The following EVC variants were observed in gnomAD, a reference collection of about 807,000 sequenced individuals.
EVC encodes EvC ciliary complex subunit 1, also known as evC complex member EVC.
Under a neutral mutation model 118.9 loss-of-function variants are expected in EVC, and 116 were observed. The observed-to-expected ratio is 0.98, with a 90% confidence interval of 0.84 to 1.14. EVC has a LOEUF of 1.14. Ranked by LOEUF, EVC falls within the 50% of genes most tolerant of loss-of-function variation. The probability of loss-of-function intolerance (pLI) is 0.00; values close to 1 mark genes in which losing one functional copy is unlikely to be tolerated. For synonymous variants in EVC, 619 were observed against 534.7 expected (o/e 1.16, Z -2.18); for missense variants, 1,401 against 1,246.4 (o/e 1.12, Z -1.87).
At chr4:5,818,111 G>A (rs1717977579), downstream of EVC, among the ~76,000 whole-genome samples, 1 of 152,148 alleles carries the variant, frequency 6.6e-6, no homozygotes, top group Non-Finnish European at 1.5e-5. Context: ...CCCCCATACT[G>A]TTCTTGTGGT....
intron 1 of EVC, among the ~76,000 whole-genome samples, chr4:5,718,371 A>G (rs2151834767): frequency 6.6e-6 from 1 of 152,254 alleles, no homozygotes; most frequent in East Asian, 1.9e-4. Context: ...TCTGTAACTC[A>G]CACCTGAATG....
chr4:5,739,917 C>T (rs1173568735), intron 5 of EVC, among the ~76,000 whole-genome samples: 1 of 126,050 alleles, frequency 7.9e-6, no homozygotes, highest in African/African-American at 3.1e-5. Flanking sequence ...AAAAAAAAAG[C>T]CTTACCGGTT....
intron 2 of EVC, among the ~76,000 whole-genome samples, chr4:5,722,004 A>G (rs1423899950): frequency 6.6e-6 from 1 of 152,224 alleles, no homozygotes; most frequent in Non-Finnish European, 1.5e-5. Context: ...TGCTGCTCAC[A>G]CATAGGGTAC....
chr4:5,808,161 TCCTTCCTC>T (rs1716283465), intron 17 of EVC, 32 bp from the exon 18 acceptor site: 2 of 573,982 alleles, frequency 3.5e-6, no homozygotes, highest in Non-Finnish European at 5.8e-6. Flanking sequence ...CTCCCTCCCT[TCCTTCCTC>T]CCTGCCAGCC....
At chr4:5,794,343 T>TATTTATATATA (rs1713466158) in intron 13 of EVC, among the ~76,000 whole-genome samples, 1 of 39,366 alleles carries the variant, frequency 2.5e-5, no homozygotes, top group Non-Finnish European at 6.0e-5. Context: ...ATTTATATAC[T>TATTTATATATA]TATATATATA....
chr4:5,783,114 CTA>C (rs1491584263), intron 11 of EVC, among the ~76,000 whole-genome samples: 16 of 151,684 alleles, frequency 1.1e-4, no homozygotes, highest in Non-Finnish European at 1.5e-4. Context: ...AGGAGTGTGT[CTA>C]TGTGTGCAAG....
chr4:5,802,640 A>G (rs1402308891), intron 16 of EVC, among the ~76,000 whole-genome samples: 2 of 152,166 alleles, frequency 1.3e-5, no homozygotes, highest in African/African-American at 2.4e-5. Flanking sequence ...GCGGCACATC[A>G]TCAGGCATTA....
At chr4:5,747,110 T>G (rs1729473971) in intron 7 of EVC, among the ~76,000 whole-genome samples, 1 of 152,064 alleles carries the variant, frequency 6.6e-6, no homozygotes, top group South Asian at 2.1e-4. Flanking sequence ...TGGGGTTTAC[T>G]GGGAGGCAAT....
At chr4:5,733,707 C>A (rs895689636) in intron 5 of EVC, among the ~76,000 whole-genome samples, 1 of 152,126 alleles carries the variant, frequency 6.6e-6, no homozygotes, top group Non-Finnish European at 1.5e-5. Context: ...ACACCTCCTG[C>A]TGGAGATAGA....
At chr4:5,736,559 G>A (rs562639587) in intron 5 of EVC, among the ~76,000 whole-genome samples, 1 of 149,286 alleles carries the variant, frequency 6.7e-6, no homozygotes, top group Non-Finnish European at 1.5e-5. Context: ...TCTGCATCCA[G>A]CAAGTCTGTT....
chr4:5,784,360 G>A (rs1032289564), intron 12 of EVC, among the ~76,000 whole-genome samples: 7 of 152,104 alleles, frequency 4.6e-5, no homozygotes, highest in African/African-American at 1.7e-4. Context: ...AGCAGAGGTC[G>A]GAATGGTGTG....
intron 19 of EVC, 101 bp downstream of exon 19, chr4:5,809,712 AT>A: frequency 1.8e-6 from 2 of 1,113,616 alleles, no homozygotes; most frequent in Non-Finnish European, 2.7e-6. Context: ...GACCTTAGGC[AT>A]CGTGCCTAGG....
chr4:5,823,849 G>A, the EVC span, among the ~76,000 whole-genome samples: 47 of 152,272 alleles, frequency 3.1e-4, no homozygotes, highest in East Asian at 5.0e-3. Context: ...GTAAATGGAC[G>A]AAAACAGACA....
chr4:5,767,887 A>C (rs969999340), intron 11 of EVC, among the ~76,000 whole-genome samples: 1 of 152,184 alleles, frequency 6.6e-6, no homozygotes, highest in Non-Finnish European at 1.5e-5. Flanking sequence ...TGGGAGCTGT[A>C]GACCGGAGCT....
At chr4:5,729,676 T>C (rs1314221893) in intron 3 of EVC, among the ~76,000 whole-genome samples, 5 of 152,160 alleles carry the variant, frequency 3.3e-5, no homozygotes, top group African/African-American at 1.2e-4. Context: ...TGATACCGAC[T>C]CAGTTCTGAG....
chr4:5,745,434 T>A, intron 7 of EVC, 93 bp downstream of exon 7: 1 of 1,374,524 alleles, frequency 7.3e-7, no homozygotes, highest in East Asian at 2.3e-5. Context: ...GAAGTGTGCC[T>A]AATACTTGAA....
chr4:5,760,426 G>A (rs759005588), intron 11 of EVC, among the ~76,000 whole-genome samples: 25 of 152,180 alleles, frequency 1.6e-4, no homozygotes, highest in African/African-American at 4.3e-4. Context: ...CAGGTGTGAC[G>A]AGGGGTGATA....
At position 5,804,741 on chromosome 4, in the gene EVC, G is replaced by C; in HGVS notation, c.2461G>C (p.Glu821Gln). 1 of 1,614,152 alleles carries C rather than the reference G, an allele frequency of 6.2e-7. No homozygotes were observed. Among genetic ancestry groups the C allele is most frequent in the Non-Finnish European group, 8.5e-7 (1 of 1,180,020 alleles). ...HLKTLQGERM[E>Q]NYKLRKKQEL... ...GTTAAATGGTCTAGGTGAGAGGATG[G>C]AAAATTACAAACTGCGGAAAAAGCA... Residue 821 changes from glutamate (E) to glutamine (Q), a missense_variant, in exon 17 of 21, where the codon GAA (glutamate) becomes CAA (glutamine). Coordinates refer to ENST00000264956, the MANE Select transcript of EVC (RefSeq NM_153717.3).
chr4:5,712,155 A>T (rs1441828979), intron 1 of EVC, among the ~76,000 whole-genome samples: 1 of 152,170 alleles, frequency 6.6e-6, no homozygotes, highest in Non-Finnish European at 1.5e-5. Context: ...ATCGGTTATG[A>T]CACCGCATGG....
Sources: gnomAD v4.1 joint callset for allele counts (sites outside exome capture counted in the v4.1 genomes callset) on GRCh38, gnomAD v4.1.1 for gene constraint, MANE v1.5 for transcripts, NCBI Gene and HGNC (gene_info 2026-07-23, HGNC 2026-07-21) for gene names.